The following H3-3B variants were observed in gnomAD, a reference collection of about 807,000 sequenced individuals.
The protein encoded by H3-3B is H3.3 histone B, also known as histone H3.3.
Under a neutral mutation model 13.1 loss-of-function variants are expected in H3-3B, and 2 were observed. The observed-to-expected ratio is 0.15, with a 90% CI of 0.06 to 0.48. The LOEUF (loss-of-function observed/expected upper bound fraction) is 0.48, where lower values mean the gene tolerates loss of function less well. H3-3B is among the 20% of genes least tolerant of loss of function. H3-3B has a pLI of 0.97. For synonymous variants in H3-3B, 133 were observed against 75.8 expected, an observed-to-expected ratio of 1.76 and a Z score of -3.92; for missense variants, 39 against 186.0, an observed-to-expected ratio of 0.21 and a Z score of 4.60.
Position 75,778,903 on chromosome 17 carries a change from G to A in H3-3B, c.189C>T (p.Ile63=), listed in dbSNP as rs374778385. The A allele has an allele frequency of 3.7e-5, 60 of 1,614,148 alleles. No homozygotes were observed. In the African/African-American group the frequency reaches 6.1e-4, roughly 16 times the overall value. ...CCAACCTCTGGAAGGGCAGCTTCCG[G>A]ATGAGCAGCTCGGTCGACTTCTGAT... ...RRYQKSTELL[I]RKLPFQRLVR... Residue 63 remains isoleucine (I), a synonymous_variant, in exon 3 of 4, where the codon ATC becomes ATT. Transcript: ENST00000254810.
Position 75,779,698 on chromosome 17 carries a change from G to T in H3-3B, c.-52C>A. On this transcript the variant is annotated 5_prime_UTR_variant, in exon 1 of 4. Coordinates refer to ENST00000254810, the MANE Select transcript of H3-3B (RefSeq NM_005324.5). ...AGGCCACTTCTCCGACCGCCGCGCC[G>T]CTTCCGCTGCCCGAGGAAGAGCCGC... 6.4e-6 allele frequency: 1 copy of T among 156,986 alleles called. No homozygotes were observed. 9.7% of individuals were successfully genotyped at this position (156,986 alleles called of 1,614,324 possible).
chr17:75,779,130 T>C lies in H3-3B; in HGVS notation c.45A>G (p.Lys15=). The C allele has an allele frequency of 6.2e-7, 1 of 1,600,688 alleles. No individual in the cohort carries two copies. Among genetic ancestry groups the C allele is most frequent in the Non-Finnish European group, 8.5e-7 (1 of 1,175,112 alleles). ...TCGTGGCCAGCTGTTTGCGGGGGGCTTTCCCACCGGTGGACTTACGAGCAG... is the reference window on the plus strand; with the variant it reads ...TCGTGGCCAGCTGTTTGCGGGGGGCCTTCCCACCGGTGGACTTACGAGCAG... ...KQTARKSTGG[K]APRKQLATKA... Residue 15 remains lysine (K), a synonymous_variant, in exon 2 of 4, where the codon AAA becomes AAG. Transcript: ENST00000254810.
Position 75,776,811 on chromosome 17 carries a change from G to T in H3-3B, c.*1784C>A, listed in dbSNP as rs896578760. 1 of 152,214 alleles carries T rather than the reference G, an allele frequency of 6.6e-6. No individual in the cohort carries two copies. Among genetic ancestry groups the T allele is most frequent in the Non-Finnish European group, 1.5e-5 (1 of 68,046 alleles). The allele number at this position is 152,214 out of a possible 1,614,324, so 9.4% of individuals were successfully genotyped here. Reference sequence around the variant, plus strand: ...TTCCAGACACGCTACAGCATAGCACGTTCCAACATCTGATCTTAATCTCAT... The same window carrying T: ...TTCCAGACACGCTACAGCATAGCACTTTCCAACATCTGATCTTAATCTCAT... On this transcript the variant is annotated 3_prime_UTR_variant, in exon 4 of 4. Transcript: ENST00000254810.
At chr17:75,779,021 G>C (rs759159728) in intron 2 of H3-3B, 26 bp downstream of exon 2, 5 of 1,611,754 alleles carry the variant, frequency 3.1e-6, no homozygotes, top group Admixed American at 3.3e-5. Flanking sequence ...GCCACCGCCG[G>C]GCCATTGTTC....
In H3-3B at chr17:75,777,267, A is replaced by C. The variant is rs185898507; in HGVS notation, c.*1328T>G. ...TTGTCTTAGCCCACACTGCAAATAC[A>C]GCACTATTATGGCATCTTAATCAAG... On this transcript the variant is annotated 3_prime_UTR_variant, in exon 4 of 4. Transcript: ENST00000254810. 7 of 152,362 alleles carry C rather than the reference A, an allele frequency of 4.6e-5. No individual in the cohort carries two copies. Among genetic ancestry groups the C allele is most frequent in the Admixed American group, 3.3e-4 (5 of 15,292 alleles). The allele number at this position is 152,362 out of a possible 1,614,324, so 9.4% of individuals were successfully genotyped here. A position where few individuals can be genotyped will look rare whatever the true frequency, so the allele number is the denominator to read the frequency against.
rs1202499003 is a variant in H3-3B at position 75,777,730 on chromosome 17, C to T, written c.*865G>A. The T allele has an allele frequency of 2.0e-5, 3 of 152,408 alleles. No homozygotes were observed. The highest frequency in any genetic ancestry group is 3.2e-3 in the Middle Eastern group (1 of 316). The allele number at this position is 152,408 out of a possible 1,614,324, so 9.4% of individuals were successfully genotyped here. A position where few individuals can be genotyped will look rare whatever the true frequency, so the allele number is the denominator to read the frequency against. On this transcript the variant is annotated 3_prime_UTR_variant, in exon 4 of 4. Coordinates refer to ENST00000254810, the MANE Select transcript of H3-3B (RefSeq NM_005324.5). ...TCCTCAGCAGAGGAGAAAAACTCAA[C>T]CTAGTTATGAGACCAACCACACAAC...
rs913325178 is a variant in H3-3B at position 75,778,494 on chromosome 17, A to T, written c.*101T>A. 15 of 1,477,682 alleles carry T rather than the reference A, an allele frequency of 1.0e-5. No homozygotes were observed. The African/African-American group carries it at 2.0e-4, about 19-fold the overall frequency. The allele number at this position is 1,477,682 out of a possible 1,614,324, so 91.5% of individuals were successfully genotyped here. On this transcript the variant is annotated 3_prime_UTR_variant, in exon 4 of 4. Coordinates refer to ENST00000254810, the MANE Select transcript of H3-3B (RefSeq NM_005324.5). The stretch of plus-strand genomic sequence containing the variant: ...GTGAAAGATGGAATGACTTAAGTAC[A>T]AATGCAACATATTATAAACAATTTC...
At position 75,778,486 on chromosome 17, in the gene H3-3B, T is replaced by C; in HGVS notation, c.*109A>G. The C allele has an allele frequency of 1.4e-6, 2 of 1,440,874 alleles. No individual in the cohort carries two copies. The highest frequency in any genetic ancestry group is 2.7e-5 in the South Asian group (2 of 75,268). The allele number at this position is 1,440,874 out of a possible 1,614,324, so 89.3% of individuals were successfully genotyped here. On this transcript the variant is annotated 3_prime_UTR_variant, in exon 4 of 4. Transcript: ENST00000254810. ...CATCCTGAGTGAAAGATGGAATGAC[T>C]TAAGTACAAATGCAACATATTATAA...
rs1368469724 is a variant in H3-3B, at chr17:75,777,930, G to A, written c.*665C>T. ...CTTATGCAAGGTATAAATGCGCATA[G>A]CATTTTACTACTATGAGAACAAGTG... On this transcript the variant is annotated 3_prime_UTR_variant, in exon 4 of 4. Transcript: ENST00000254810. The A allele has an allele frequency of 6.6e-6, 1 of 152,634 alleles. No homozygotes were observed. Among genetic ancestry groups the A allele is most frequent in the Non-Finnish European group, 1.5e-5 (1 of 68,054 alleles). 9.5% of individuals were successfully genotyped at this position (152,634 alleles called of 1,614,324 possible).
Position 75,777,232 on chromosome 17 carries a change from T to A in H3-3B, c.*1363A>T, listed in dbSNP as rs200686344. The A allele has an allele frequency of 8.0e-6, 1 of 125,662 alleles. No individual in the cohort carries two copies. The highest frequency in any genetic ancestry group is 7.5e-5 in the Admixed American group (1 of 13,376). The allele number at this position is 125,662 out of a possible 1,614,324, so 7.8% of individuals were successfully genotyped here. A position where few individuals can be genotyped will look rare whatever the true frequency, so the allele number is the denominator to read the frequency against. On this transcript the variant is annotated 3_prime_UTR_variant, in exon 4 of 4. Transcript: ENST00000254810. ...GGGAGTGGGGGGGCTGAAAAGCTTA[T>A]TAATATACTTTGTCTTAGCCCACAC... is the stretch of plus-strand genomic sequence containing the variant.
In H3-3B at chr17:75,779,638, TA is replaced by T; in HGVS notation, c.-11+18del. The T allele has an allele frequency of 6.4e-6, 1 of 155,648 alleles. No individual in the cohort carries two copies. 9.6% of individuals were successfully genotyped at this position (155,648 alleles called of 1,614,324 possible). On this transcript the variant is annotated intron_variant, in intron 1 of 3. Transcript: ENST00000254810. ...GGTTGGCAGAACCTGAAGCCGCGGG[TA>T]AACCTACGAACGCCTACCCAACGCC... is the stretch of plus-strand genomic sequence containing the variant.
At chr17:75,779,296 G>A (rs1034015594) in intron 1 of H3-3B, 112 bp from the exon 2 acceptor site, 2 of 1,185,828 alleles carry the variant, frequency 1.7e-6, no homozygotes, top group African/African-American at 3.2e-5. Context: ...GCCTCCCCGC[G>A]CCCCACCTCG....
At chr17:75,779,339 T>TCCC (rs1287983243) in intron 1 of H3-3B, 155 bp from the exon 2 acceptor site, 5 of 703,946 alleles carry the variant, frequency 7.1e-6, no homozygotes, top group Non-Finnish European at 1.0e-5. Context: ...GCCAACCTCC[T>TCCC]CCCCCTCCCC....
chr17:75,778,847 T>A lies in H3-3B; in HGVS notation c.245A>T (p.Asp82Val). 1 of 1,614,100 alleles carries A rather than the reference T, an allele frequency of 6.2e-7. No individual in the cohort carries two copies. The highest frequency in any genetic ancestry group is 8.5e-7 in the Non-Finnish European group (1 of 1,180,004). ...GATGGCTGCGCTCTGAAACCTCAGG[T>A]CGGTTTTGAAATCCTGCGCGATCTC... ...VREIAQDFKT[D>V]LRFQSAAIGA... The change falls in exon 3 of 4, where the codon GAC (aspartate) becomes GTC (valine). Residue 82 changes from aspartate (D) to valine (V), a missense_variant. Physicochemically the swap from Asp to Val is radical, Grantham distance 152. Coordinates refer to ENST00000254810, the MANE Select transcript of H3-3B (RefSeq NM_005324.5).
chr17:75,778,707 T>A lies in H3-3B; in HGVS notation c.299A>T (p.Tyr100Phe). The A allele has an allele frequency of 6.2e-7, 1 of 1,614,176 alleles. No homozygotes were observed. Among genetic ancestry groups the A allele is most frequent in the Non-Finnish European group, 8.5e-7 (1 of 1,180,036 alleles). Residue 100 changes from tyrosine (Y) to phenylalanine (F), a missense_variant, in exon 4 of 4, where the codon TAC (tyrosine) becomes TTC (phenylalanine). Coordinates refer to ENST00000254810, the MANE Select transcript of H3-3B (RefSeq NM_005324.5). Reference sequence around the variant, plus strand: ...GGTATCTTCGAACAGACCCACCAGGTACGCTTCGCTAGCCTCCTGTTGAGG... The same window carrying A: ...GGTATCTTCGAACAGACCCACCAGGAACGCTTCGCTAGCCTCCTGTTGAGG... The part of the protein sequence containing the change: ...IGALQEASEA[Y>F]LVGLFEDTNL...
intron 1 of H3-3B, chr17:75,779,452 C>T: frequency 3.4e-6 from 1 of 292,992 alleles, no homozygotes; most frequent in Non-Finnish European, 6.3e-6. Flanking sequence ...TGCCCGGAAC[C>T]CGGCGTCGGG....
rs141398190 is a variant in H3-3B, at chr17:75,777,370, G to A, written c.*1225C>T. ...TTATCCACCAAACAACACCTGAAAT[G>A]ATCTAAGTTCAAAACATTAGTATAC... On this transcript the variant is annotated 3_prime_UTR_variant, in exon 4 of 4. Coordinates refer to ENST00000254810, the MANE Select transcript of H3-3B (RefSeq NM_005324.5). The A allele has an allele frequency of 8.3e-3, 1,270 of 152,680 alleles. 6 individuals carry two copies. The highest frequency in any genetic ancestry group is 0.013 in the Non-Finnish European group (896 of 68,000). The allele number at this position is 152,680 out of a possible 1,614,324, so 9.5% of individuals were successfully genotyped here.
rs1176415770 is a variant in H3-3B, at chr17:75,777,054, C to A, written c.*1541G>T. 1 of 152,210 alleles carries A rather than the reference C, an allele frequency of 6.6e-6. No homozygotes were observed. Among genetic ancestry groups the A allele is most frequent in the African/African-American group, 2.4e-5 (1 of 41,456 alleles). 9.4% of individuals were successfully genotyped at this position (152,210 alleles called of 1,614,324 possible). The stretch of plus-strand genomic sequence containing the variant: ...TATAACTTTAAGCAGTTGCTAACTT[C>A]AAACGTGGAACGCTTTGATGACTGC... On this transcript the variant is annotated 3_prime_UTR_variant, in exon 4 of 4. Transcript: ENST00000254810.
rs911821791 is a variant in H3-3B, at chr17:75,778,625, C to T, written c.381G>A (p.Leu127=). 5 of 1,613,974 alleles carry T rather than the reference C, an allele frequency of 3.1e-6. No homozygotes were observed. In the African/African-American group the frequency reaches 4.0e-5, roughly 13 times the overall value. The part of the protein sequence containing the change: ...RVTIMPKDIQ[L]ARRIRGERA Reference sequence around the variant, plus strand: ...CTCTCTCTCCCCGTATCCGGCGAGCCAACTGGATGTCTTTGGGCATGATGG... The same window carrying T: ...CTCTCTCTCCCCGTATCCGGCGAGCTAACTGGATGTCTTTGGGCATGATGG... The change falls in exon 4 of 4, where the codon TTG becomes TTA. Residue 127 remains leucine (L), a synonymous_variant. Coordinates refer to ENST00000254810, the MANE Select transcript of H3-3B (RefSeq NM_005324.5).
Sources: gnomAD v4.1 joint callset for allele counts on GRCh38, gnomAD v4.1.1 for gene constraint, MANE v1.5 for transcripts, NCBI Gene and HGNC (gene_info 2026-07-23, HGNC 2026-07-21) for gene names.